The following ABLIM2 variants were observed in gnomAD, a reference collection of about 807,000 sequenced individuals.
The protein encoded by ABLIM2 is actin binding LIM protein family member 2.
ABLIM2 carries 53 observed loss-of-function variants against 97.7 expected under a neutral mutation model. That is an observed-to-expected ratio of 0.54 (90% CI 0.44 to 0.68). The LOEUF is 0.68. Among genes scored for constraint, ABLIM2 ranks in the 30% least tolerant of loss-of-function variants. The pLI is 0.00. For synonymous variants in ABLIM2, 361 were observed against 345.8 expected, an observed-to-expected ratio of 1.04 and a Z score of -0.49; for missense variants, 835 against 867.2, an observed-to-expected ratio of 0.96 and a Z score of 0.47.
chr4:8,081,931 T>C (rs1820100882), intron 4 of ABLIM2, among the ~76,000 whole-genome samples: 1 of 152,124 alleles, frequency 6.6e-6, no homozygotes, highest in African/African-American at 2.4e-5. Context: ...TGTGCGTCAG[T>C]GTGTGTGACT....
At chr4:8,106,298 G>C (rs1000783408) in intron 2 of ABLIM2, among the ~76,000 whole-genome samples, 196 bp downstream of exon 2, 2 of 152,200 alleles carry the variant, frequency 1.3e-5, no homozygotes, top group African/African-American at 4.8e-5. Context: ...TCCCCAATCT[G>C]GTGATTTCTC....
intron 1 of ABLIM2, among the ~76,000 whole-genome samples, chr4:8,131,035 C>T (rs1249934704): frequency 3.3e-5 from 5 of 152,186 alleles, no homozygotes; most frequent in Non-Finnish European, 7.3e-5. Context: ...GCTCTGTGGT[C>T]ACCCCACTCT....
chr4:8,053,214 G>T (rs750215152), intron 8 of ABLIM2, among the ~76,000 whole-genome samples: 28 of 152,308 alleles, frequency 1.8e-4, no homozygotes, highest in Middle Eastern at 6.8e-3. Flanking sequence ...GAACTCAAAA[G>T]AATGCAATCA....
intron 1 of ABLIM2, among the ~76,000 whole-genome samples, chr4:8,158,003 G>A (rs1289274766): frequency 6.6e-6 from 1 of 152,248 alleles, no homozygotes; most frequent in African/African-American, 2.4e-5. Context: ...AGCACAAGGC[G>A]CGGCTGGGCT....
chr4:8,087,504 C>G lies in ABLIM2; in HGVS notation c.454+665G>C, dbSNP rs1047477902. ...CAGTGAACCCAAGGGCCCCTGACTGCGGGAGCCCGGAGCTCAGTGTTCCTC... is the reference window on the plus strand; with the variant it reads ...CAGTGAACCCAAGGGCCCCTGACTGGGGGAGCCCGGAGCTCAGTGTTCCTC... On this transcript the variant is annotated intron_variant, in intron 4 of 20. Coordinates refer to ENST00000447017, the MANE Select transcript of ABLIM2 (RefSeq NM_001130083.2). The surrounding 1 kb of genome is among the most constrained non-coding windows in gnomAD (Gnocchi z 4.6). 6.6e-6 allele frequency among the ~76,000 whole-genome samples: 1 copy of G among 152,200 alleles called. No individual in the cohort carries two copies. Among genetic ancestry groups the G allele is most frequent in the Non-Finnish European group, 1.5e-5 (1 of 68,028 alleles).
intron 3 of ABLIM2, among the ~76,000 whole-genome samples, chr4:8,088,799 G>C (rs1325140181): frequency 6.6e-6 from 1 of 152,172 alleles, no homozygotes; most frequent in African/African-American, 2.4e-5. Context: ...TTTGCTTCAT[G>C]TTTTCTCTAT....
rs1824626828 is a variant in ABLIM2 at position 8,087,709 on chromosome 4, G to A, written c.454+460C>T. ...GGGAAAGCAGCAGTGGGCATTAGAT[G>A]GGAAAGCAGCAGTGGACATTAGATG... On this transcript the variant is annotated intron_variant, in intron 4 of 20. Transcript: ENST00000447017. The surrounding 1 kb of genome is among the most constrained non-coding windows in gnomAD (Gnocchi z 4.6). Among the ~76,000 whole-genome samples, 1 of 152,092 alleles carries A rather than the reference G, an allele frequency of 6.6e-6. No homozygotes were observed. Among genetic ancestry groups the A allele is most frequent in the Admixed American group, 6.5e-5 (1 of 15,280 alleles).
At position 8,130,044 on chromosome 4, in the gene ABLIM2, C is replaced by T. The variant is rs191417250; in HGVS notation, c.11-23407G>A. ...CACTCAGCACTGCCTGGGGTTCCCA[C>T]GGAGAAGGAGCCTCAGATTCCCCTG... On this transcript the variant is annotated intron_variant, in intron 1 of 20. Transcript: ENST00000447017. This position sits in a 1 kb window ranked among gnomAD's most constrained non-coding sequence, Gnocchi z 4.2. 6.4e-3 allele frequency among the ~76,000 whole-genome samples: 978 copies of T among 152,336 alleles called. 11 individuals carry two copies. Among genetic ancestry groups the T allele is most frequent in the African/African-American group, 0.022 (914 of 41,584 alleles).
In ABLIM2 at chr4:8,001,571, T is replaced by A. The variant is rs1189735424; in HGVS notation, c.1618+6488A>T. ...GACCTCTGGAGCTCCCTCTGCTCTC[T>A]CTGGGGGCTCAGAGAGCACCCTGCC... is the stretch of plus-strand genomic sequence containing the variant. On this transcript the variant is annotated intron_variant, in intron 16 of 20. Coordinates refer to ENST00000447017, the MANE Select transcript of ABLIM2 (RefSeq NM_001130083.2). This position sits in a 1 kb window ranked among gnomAD's most constrained non-coding sequence, Gnocchi z 4.2. 6.6e-6 allele frequency among the ~76,000 whole-genome samples: 1 copy of A among 152,076 alleles called. No individual in the cohort carries two copies. Among genetic ancestry groups the A allele is most frequent in the African/African-American group, 2.4e-5 (1 of 41,410 alleles).
chr4:8,061,202 C>G lies in ABLIM2; in HGVS notation c.676-148G>C. On this transcript the variant is annotated intron_variant, in intron 6 of 20. Transcript: ENST00000447017. The surrounding 1 kb of genome is among the most constrained non-coding windows in gnomAD (Gnocchi z 4.5). ...GCCCCCACCATCGGGACCCAAGACC[C>G]CTGAGCAGAGCCCAGACCCGGGGGT... 1.4e-6 allele frequency: 1 copy of G among 694,842 alleles called. No individual in the cohort carries two copies. The highest frequency in any genetic ancestry group is 1.8e-5 in the South Asian group (1 of 56,254). 43.0% of individuals were successfully genotyped at this position (694,842 alleles called of 1,614,324 possible). A position where few individuals can be genotyped will look rare whatever the true frequency, so the allele number is the denominator to read the frequency against.
chr4:8,011,778 A>T (rs1765044424), intron 14 of ABLIM2, among the ~76,000 whole-genome samples: 1 of 152,220 alleles, frequency 6.6e-6, no homozygotes, highest in African/African-American at 2.4e-5. Context: ...CCTCTTGGGA[A>T]AGGCTGGCTT....
At chr4:8,049,431 A>C (rs34076429) in intron 8 of ABLIM2, among the ~76,000 whole-genome samples, 33,994 of 152,082 alleles carry the variant, frequency 0.22, 4,227 homozygotes, top group Non-Finnish European at 0.29. Flanking sequence ...CAGCCATCTC[A>C]ATGGACTCTA....
chr4:8,121,383 G>A (rs1211069424), intron 1 of ABLIM2, among the ~76,000 whole-genome samples: 3 of 152,212 alleles, frequency 2.0e-5, no homozygotes, highest in African/African-American at 7.2e-5. Flanking sequence ...CCAGTCGCTG[G>A]CCCAGGCGCC....
At chr4:8,056,911 G>A (rs1799563503) in intron 7 of ABLIM2, among the ~76,000 whole-genome samples, 2 of 122,518 alleles carry the variant, frequency 1.6e-5, no homozygotes, top group African/African-American at 3.3e-5. Context: ...CACCCTGGGC[G>A]ACAGAGCGAA....
intron 9 of ABLIM2, among the ~76,000 whole-genome samples, chr4:8,038,677 G>GAAGAGA (rs1336404895): frequency 6.6e-6 from 1 of 152,182 alleles, no homozygotes; most frequent in Non-Finnish European, 1.5e-5. Flanking sequence ...TGATATGCAT[G>GAAGAGA]AAGAGAAAGA....
intron 10 of ABLIM2, among the ~76,000 whole-genome samples, chr4:8,035,446 C>T (rs1006580704): frequency 1.3e-5 from 2 of 152,214 alleles, no homozygotes; most frequent in Non-Finnish European, 2.9e-5. Flanking sequence ...TTCCCCACCC[C>T]GGGGAGCCCC....
At position 8,002,770 on chromosome 4, in the gene ABLIM2, G is replaced by A. The variant is rs1257373693; in HGVS notation, c.1618+5289C>T. 4.6e-5 allele frequency among the ~76,000 whole-genome samples: 7 copies of A among 152,186 alleles called. No individual in the cohort carries two copies. Among genetic ancestry groups the A allele is most frequent in the African/African-American group, 9.7e-5 (4 of 41,438 alleles). ...CACACAAACTGCTCTGTGACCTGAC[G>A]CATGGCCCTCACTGTTCTTCCAACC... On this transcript the variant is annotated intron_variant, in intron 16 of 20. Coordinates refer to ENST00000447017, the MANE Select transcript of ABLIM2 (RefSeq NM_001130083.2). The surrounding 1 kb of genome is among the most constrained non-coding windows in gnomAD (Gnocchi z 6.1).
At chr4:8,105,154 T>C (rs2386114) in intron 2 of ABLIM2, among the ~76,000 whole-genome samples, 78,562 of 152,078 alleles carry the variant, frequency 0.52, 21,585 homozygotes, top group African/African-American at 0.7. Context: ...GATTCCCTTC[T>C]GTCTGGAGCA....
At chr4:8,090,176 G>A (rs1045612277) in intron 3 of ABLIM2, among the ~76,000 whole-genome samples, 9 of 152,160 alleles carry the variant, frequency 5.9e-5, no homozygotes, top group African/African-American at 1.7e-4. Context: ...TGTTGCCACC[G>A]TGTCAATGCT....
Sources: allele counts gnomAD v4.1 joint callset (sites outside exome capture counted in the v4.1 genomes callset), GRCh38; gene constraint gnomAD v4.1.1; non-coding constraint Gnocchi (gnomAD v3.1); transcripts MANE v1.5; gene names NCBI Gene and HGNC (gene_info 2026-07-23, HGNC 2026-07-21).